Variants in UGT3A1 observed in about 807,000 individuals in gnomAD.
UGT3A1 encodes the protein UDP-glycosyltransferase 3A1.
UGT3A1 carries 40 observed loss-of-function variants against 37.6 expected under a neutral mutation model. That is an observed-to-expected ratio of 1.06 (90% CI 0.83 to 1.38). The LOEUF (loss-of-function observed/expected upper bound fraction) is 1.38, where lower values mean the gene tolerates loss of function less well. Among genes scored for constraint, UGT3A1 ranks in the 40% most tolerant of loss-of-function variants. The pLI, the probability that UGT3A1 is intolerant of heterozygous loss-of-function variation, is 0.00. For missense variants in UGT3A1, 642 were observed against 634.2 expected, an observed-to-expected ratio of 1.01 and a Z score of -0.13; for synonymous variants, 256 against 232.3, an observed-to-expected ratio of 1.10 and a Z score of -0.93.
In UGT3A1 at chr5:35,957,360, G is replaced by C; in HGVS notation, c.903C>G (p.Gly301=). The change falls in exon 5 of 7, where the codon GGC becomes GGG. Residue 301 remains glycine, a synonymous_variant. Coordinates refer to ENST00000274278, the MANE Select transcript of UGT3A1 (RefSeq NM_152404.4). ...GDAGFVLVAF[G]SMLNTHQSQE... Reference sequence around the variant, plus strand: ...GGGACTGATGGGTGTTCAACATGGAGCCAAAGGCCACAAGGACAAACCCTG... The same window carrying C: ...GGGACTGATGGGTGTTCAACATGGACCCAAAGGCCACAAGGACAAACCCTG... The C allele has an allele frequency of 6.2e-7, 1 of 1,614,148 alleles. No homozygotes were observed. The highest frequency in any genetic ancestry group is 2.2e-5 in the East Asian group (1 of 44,870).
intron 1 of UGT3A1, chr5:35,990,908 C>A: frequency 7.3e-7 from 1 of 1,367,014 alleles, no homozygotes; most frequent in Non-Finnish European, 9.5e-7. Flanking sequence ...GGAGCGCGTC[C>A]TGAACAAGAA....
chr5:35,964,234 G>T (rs1739706412), intron 4 of UGT3A1, among the ~76,000 whole-genome samples: 1 of 151,966 alleles, frequency 6.6e-6, no homozygotes, highest in Non-Finnish European at 1.5e-5. Flanking sequence ...TTCCACAACT[G>T]CCCCAATGCG....
intron 6 of UGT3A1, 102 bp from the exon 7 acceptor site, chr5:35,954,580 A>C: frequency 7.1e-7 from 1 of 1,407,928 alleles, no homozygotes; most frequent in Non-Finnish European, 9.6e-7. Flanking sequence ...ACACTTTTCT[A>C]ACACATGCAC....
rs1453796684 is a variant in UGT3A1, at chr5:35,952,526, A to T, written c.*1676T>A. 3 of 152,224 alleles carry T rather than the reference A, an allele frequency of 2.0e-5. No individual in the cohort carries two copies. The highest frequency in any genetic ancestry group is 4.4e-5 in the Non-Finnish European group (3 of 68,082). The allele number at this position is 152,224 out of a possible 1,614,324, so 9.4% of individuals were successfully genotyped here. The stretch of plus-strand genomic sequence containing the variant: ...ATGCAAGTTTATACAAGTGGCATAA[A>T]GTTGACCTCAATGAATTACCAAGTG... On this transcript the variant is annotated 3_prime_UTR_variant, in exon 7 of 7. Coordinates refer to ENST00000274278, the MANE Select transcript of UGT3A1 (RefSeq NM_152404.4).
rs185141997 is a variant in UGT3A1 at position 35,951,134 on chromosome 5, T to C, written c.*3068A>G. On this transcript the variant is annotated 3_prime_UTR_variant, in exon 7 of 7. Transcript: ENST00000274278. ...TAGTTACATTTTCATTTGGAAAAAA[T>C]TGATTTCATTTGTTTCCGTTTGTAT... 2.0e-5 allele frequency: 3 copies of C among 152,296 alleles called. No homozygotes were observed. Among genetic ancestry groups the C allele is most frequent in the African/African-American group, 4.8e-5 (2 of 41,584 alleles). The allele number at this position is 152,296 out of a possible 1,614,324, so 9.4% of individuals were successfully genotyped here.
In UGT3A1 at chr5:35,965,863, A is replaced by G; in HGVS notation, c.366T>C (p.Ser122=). ...KLMEIFGTQC[S]YLLSRKDIMD... ...TTATATCCTTTCTGCTTAGCAAATA[A>G]CTACATTGAGTCCCAAATATTTCCA... Residue 122 remains serine (S), a synonymous_variant, in exon 4 of 7, where the codon AGT becomes AGC. Coordinates refer to ENST00000274278, the MANE Select transcript of UGT3A1 (RefSeq NM_152404.4). 2 of 1,605,494 alleles carry G rather than the reference A, an allele frequency of 1.2e-6. No homozygotes were observed. Among genetic ancestry groups the G allele is most frequent in the East Asian group, 2.2e-5 (1 of 44,838 alleles).
chr5:35,954,513 G>A (rs80156976), intron 6 of UGT3A1, 35 bp from the exon 7 acceptor site: 226,019 of 1,604,082 alleles, frequency 0.14, 17,820 homozygotes, highest in Middle Eastern at 0.2. Flanking sequence ...TGTTACTGAC[G>A]TAGCCTCACA....
chr5:35,967,434 T>G (rs1739854300), intron 3 of UGT3A1, among the ~76,000 whole-genome samples: 1 of 152,198 alleles, frequency 6.6e-6, no homozygotes, highest in Non-Finnish European at 1.5e-5. Context: ...GTATTCCAGG[T>G]GAGGGCAAGA....
chr5:35,967,910 C>T, intron 3 of UGT3A1, 109 bp downstream of exon 3: 1 of 794,600 alleles, frequency 1.3e-6, no homozygotes, highest in Non-Finnish European at 2.1e-6. Context: ...ATCTATCCAT[C>T]ACCCACCCAT....
At chr5:35,960,320 C>T (rs571542298) in intron 4 of UGT3A1, among the ~76,000 whole-genome samples, 2 of 152,268 alleles carry the variant, frequency 1.3e-5, no homozygotes, top group South Asian at 4.1e-4. Flanking sequence ...GTAGTACTGC[C>T]ATAAAGATAG....
intron 2 of UGT3A1, among the ~76,000 whole-genome samples, chr5:35,977,018 G>T (rs1740306848): frequency 7.0e-6 from 1 of 143,324 alleles, no homozygotes; most frequent in Admixed American, 6.9e-5. Flanking sequence ...GAAAGAAAAA[G>T]AGAGAGAAAG....
intron 4 of UGT3A1, chr5:35,962,625 C>A: frequency 4.6e-6 from 2 of 436,742 alleles, no homozygotes; most frequent in Non-Finnish European, 8.2e-6. Flanking sequence ...GATTTCCCTG[C>A]AAGGTATAAA....
chr5:35,999,035 G>T (rs570109144), intron 1 of UGT3A1, among the ~76,000 whole-genome samples: 27 of 152,152 alleles, frequency 1.8e-4, no homozygotes, highest in African/African-American at 5.8e-4. Context: ...AGGAGATTGA[G>T]ACCACCCCGG....
chr5:35,962,598 C>G (rs900106304), intron 4 of UGT3A1: 4 of 366,914 alleles, frequency 1.1e-5, no homozygotes, highest in Non-Finnish European at 2.0e-5. Flanking sequence ...CAATCCTACA[C>G]TGTCAGCAAA....
At position 35,952,611 on chromosome 5, in the gene UGT3A1, T is replaced by G. The variant is rs1339135177; in HGVS notation, c.*1591A>C. 1 of 152,218 alleles carries G rather than the reference T, an allele frequency of 6.6e-6. No individual in the cohort carries two copies. The highest frequency in any genetic ancestry group is 1.5e-5 in the Non-Finnish European group (1 of 68,054). The allele number at this position is 152,218 out of a possible 1,614,324, so 9.4% of individuals were successfully genotyped here. On this transcript the variant is annotated 3_prime_UTR_variant, in exon 7 of 7. Coordinates refer to ENST00000274278, the MANE Select transcript of UGT3A1 (RefSeq NM_152404.4). ...GTTACTGGCCAGGGAGGCTTATCCC[T>G]AAGACCTTATGTTGCTCATGAGGGG...
chr5:35,958,545 AT>A (rs138234681), intron 4 of UGT3A1, among the ~76,000 whole-genome samples: 21,920 of 152,248 alleles, frequency 0.14, 1,659 homozygotes, highest in African/African-American at 0.19. Context: ...AAGCAGAGCA[AT>A]AATGTTAATC....
In UGT3A1 at chr5:35,964,402, G is replaced by A. The variant is rs967170642; in HGVS notation, c.843+984C>T. On this transcript the variant is annotated intron_variant, in intron 4 of 6. Transcript: ENST00000274278. ...TGCACCTCCACATGTTAGGTCCCCCGCTCCCTGACCTGGGGTGCTTTCCCT... is the reference window on the plus strand; with the variant it reads ...TGCACCTCCACATGTTAGGTCCCCCACTCCCTGACCTGGGGTGCTTTCCCT... Among the ~76,000 whole-genome samples, 10 of 152,012 alleles carry A rather than the reference G, an allele frequency of 6.6e-5. No individual in the cohort carries two copies. The East Asian group carries it at 1.2e-3, about 18-fold the overall frequency.
At chr5:35,989,437 G>A (rs924945141) in intron 1 of UGT3A1, among the ~76,000 whole-genome samples, 6 of 152,206 alleles carry the variant, frequency 3.9e-5, no homozygotes, top group African/African-American at 1.4e-4. Context: ...GAAAAATGCC[G>A]AGAGTTTGAG....
intron 4 of UGT3A1, among the ~76,000 whole-genome samples, chr5:35,964,951 G>C (rs1739738258): frequency 6.6e-6 from 1 of 152,196 alleles, no homozygotes; most frequent in African/African-American, 2.4e-5. Context: ...AGTTCTTGCT[G>C]TCAGTCCCAT....
Sources: allele counts gnomAD v4.1 joint callset (sites outside exome capture counted in the v4.1 genomes callset), GRCh38; gene constraint gnomAD v4.1.1; transcripts MANE v1.5; gene names NCBI Gene and HGNC (gene_info 2026-07-23, HGNC 2026-07-21).